The following ELMO1 variants were observed in gnomAD, a reference collection of about 807,000 sequenced individuals.
ELMO1 encodes the protein engulfment and cell motility protein 1.
ELMO1 carries 26 observed loss-of-function variants against 98.9 expected under a neutral mutation model. The observed-to-expected ratio is 0.26, with a 90% CI of 0.19 to 0.36. ELMO1 has a LOEUF of 0.36. Ranked by LOEUF, ELMO1 falls within the 10% of genes least tolerant of loss-of-function variation. The pLI is 1.00. For missense variants in ELMO1, 627 were observed against 935.2 expected, an observed-to-expected ratio of 0.67 and a Z score of 4.30; for synonymous variants, 346 against 346.0, an observed-to-expected ratio of 1.00 and a Z score of 0.00.
chr7:36,917,723 C>G (rs550114102), intron 16 of ELMO1, among the ~76,000 whole-genome samples: 8 of 152,130 alleles, frequency 5.3e-5, no homozygotes, highest in Non-Finnish European at 1.2e-4. Flanking sequence ...CATCTGGACC[C>G]CAGGATCCAA....
intron 2 of ELMO1, among the ~76,000 whole-genome samples, chr7:37,332,111 A>ATCCT (rs1343425980): frequency 6.6e-6 from 1 of 152,234 alleles, no homozygotes; most frequent in Non-Finnish European, 1.5e-5. Context: ...GGATTCATCC[A>ATCCT]TCATCATTTT....
intron 15 of ELMO1, among the ~76,000 whole-genome samples, chr7:37,023,578 C>T (rs1794401365): frequency 6.6e-6 from 1 of 152,110 alleles, no homozygotes. Flanking sequence ...AGTTTAATTT[C>T]ATCTGTTGGA....
intron 1 of ELMO1, among the ~76,000 whole-genome samples, chr7:37,408,838 G>A (rs139174882): frequency 1.2e-3 from 180 of 152,312 alleles, no homozygotes; most frequent in Non-Finnish European, 1.8e-3. Context: ...GATCTGCTGC[G>A]TAAGAATGTG....
chr7:36,907,764 C>A (rs1263048266), intron 16 of ELMO1, among the ~76,000 whole-genome samples: 2 of 152,192 alleles, frequency 1.3e-5, no homozygotes, highest in African/African-American at 2.4e-5. Context: ...CATATCCCAC[C>A]ACTCCTCTCT....
chr7:37,122,043 T>C (rs140161905), intron 14 of ELMO1, among the ~76,000 whole-genome samples: 4,527 of 152,232 alleles, frequency 0.03, 234 homozygotes, highest in African/African-American at 0.1. Context: ...CTAAGCTTCA[T>C]AAGTGAAGAA....
At chr7:37,398,994 C>T (rs561873212) in intron 1 of ELMO1, among the ~76,000 whole-genome samples, 2 of 152,300 alleles carry the variant, frequency 1.3e-5, no homozygotes, top group African/African-American at 4.8e-5. Context: ...CCAATGCCTT[C>T]CTGGCACCTG....
intron 15 of ELMO1, among the ~76,000 whole-genome samples, chr7:37,023,464 T>TA (rs967599603): frequency 1.3e-5 from 2 of 152,120 alleles, no homozygotes; most frequent in Admixed American, 6.5e-5. Context: ...ACTGGCTGGG[T>TA]AAAAAAACTA....
chr7:37,121,795 G>A (rs994001445), intron 14 of ELMO1, among the ~76,000 whole-genome samples: 3 of 152,184 alleles, frequency 2.0e-5, no homozygotes, highest in East Asian at 1.9e-4. Flanking sequence ...GATACTCCTC[G>A]AGAAGAGCAA....
Position 37,357,796 on chromosome 7 carries a change from C to T in ELMO1, c.-73-15033G>A, listed in dbSNP as rs114754976. Among the ~76,000 whole-genome samples the T allele has an allele frequency of 3.1e-3, 476 of 152,348 alleles. 4 individuals are homozygous for T. Among genetic ancestry groups the T allele is most frequent in the African/African-American group, 0.011 (460 of 41,588 alleles). On this transcript the variant is annotated intron_variant, in intron 1 of 21. Transcript: ENST00000310758. ...AGATAAAACACAGTCAGGGTACATG[C>T]TATCAGCATGGCCATACGGCCATAC...
At chr7:36,926,088 T>G (rs1235297635) in intron 16 of ELMO1, among the ~76,000 whole-genome samples, 1 of 152,184 alleles carries the variant, frequency 6.6e-6, no homozygotes, top group African/African-American at 2.4e-5. Flanking sequence ...TGGCTACAAC[T>G]GCAGGGTAAT....
intron 2 of ELMO1, among the ~76,000 whole-genome samples, chr7:37,317,036 A>T (rs937529690): frequency 6.6e-6 from 1 of 152,130 alleles, no homozygotes; most frequent in African/African-American, 2.4e-5. Context: ...CCTACCCCTC[A>T]GGCTGTTATA....
intron 15 of ELMO1, among the ~76,000 whole-genome samples, chr7:37,053,269 C>T (rs895053275): frequency 2.0e-5 from 3 of 147,182 alleles, no homozygotes; most frequent in African/African-American, 7.6e-5. Flanking sequence ...CTTTGCAGGG[C>T]ATTTTCATTT....
intron 14 of ELMO1, among the ~76,000 whole-genome samples, chr7:37,129,157 T>TG (rs933027852): frequency 6.6e-6 from 1 of 151,444 alleles, no homozygotes; most frequent in African/African-American, 2.4e-5. Context: ...ACTATGGTGG[T>TG]GGGGGGATGG....
At chr7:36,992,263 C>T (rs909359620) in intron 16 of ELMO1, among the ~76,000 whole-genome samples, 3 of 152,150 alleles carry the variant, frequency 2.0e-5, no homozygotes, top group Admixed American at 6.5e-5. Context: ...TTTGCATTCA[C>T]AGGACTGGAG....
intron 13 of ELMO1, among the ~76,000 whole-genome samples, chr7:37,189,046 G>A (rs1034721536): frequency 6.6e-6 from 1 of 152,166 alleles, no homozygotes; most frequent in African/African-American, 2.4e-5. Context: ...TAAGCTGTAG[G>A]TGTATTTGCT....
intron 1 of ELMO1, among the ~76,000 whole-genome samples, chr7:37,424,888 T>A (rs558815726): frequency 5.5e-4 from 83 of 151,548 alleles, no homozygotes; most frequent in African/African-American, 1.9e-3. Flanking sequence ...ATAATAATAA[T>A]AAACCATTTT....
chr7:37,165,750 T>G (rs1303627754), intron 13 of ELMO1, among the ~76,000 whole-genome samples: 1 of 152,232 alleles, frequency 6.6e-6, no homozygotes, highest in Admixed American at 6.5e-5. Flanking sequence ...AGTATTTTAT[T>G]GAGGATTTTT....
intron 5 of ELMO1, among the ~76,000 whole-genome samples, chr7:37,264,988 A>G (rs1175756475): frequency 2.6e-5 from 4 of 152,200 alleles, no homozygotes; most frequent in Admixed American, 2.6e-4. Flanking sequence ...CAGCAATCCA[A>G]TATTTTCCTG....
At chr7:37,246,344 G>T (rs1795003184) in intron 6 of ELMO1, among the ~76,000 whole-genome samples, 1 of 152,232 alleles carries the variant, frequency 6.6e-6, no homozygotes, top group South Asian at 2.1e-4. Flanking sequence ...GGGTAATGAG[G>T]CTTTACATAG....
Sources: gnomAD v4.1 joint callset for allele counts (sites outside exome capture counted in the v4.1 genomes callset) on GRCh38, gnomAD v4.1.1 for gene constraint, MANE v1.5 for transcripts, NCBI Gene and HGNC (gene_info 2026-07-23, HGNC 2026-07-21) for gene names.